The following PCDHGA8 variants were observed in gnomAD, a reference collection of about 807,000 sequenced individuals.
The protein encoded by PCDHGA8 is protocadherin gamma-A8.
A neutral mutation model predicts 59.2 loss-of-function variants in PCDHGA8; 45 were observed. The observed-to-expected ratio is 0.76, with a 90% CI of 0.60 to 0.98. The LOEUF is 0.98. Ranked by LOEUF, PCDHGA8 falls within the 50% of genes least tolerant of loss-of-function variation. PCDHGA8 has a pLI of 0.00. For synonymous variants in PCDHGA8, 531 were observed against 519.0 expected (o/e 1.02, Z -0.32); for missense variants, 1,257 against 1,196.2 (o/e 1.05, Z -0.75).
chr5:141,425,890 G>A (rs943076854), intron 1 of PCDHGA8, among the ~76,000 whole-genome samples: 1 of 152,118 alleles, frequency 6.6e-6, no homozygotes, highest in Non-Finnish European at 1.5e-5. Flanking sequence ...AATCTTCTTT[G>A]GTAGTAAACA....
intron 1 of PCDHGA8, among the ~76,000 whole-genome samples, chr5:141,458,380 G>T (rs1592559992): frequency 6.6e-6 from 1 of 152,136 alleles, no homozygotes; most frequent in African/African-American, 2.4e-5. Flanking sequence ...AAGAGAGAAG[G>T]AAGACGCTCC....
intron 1 of PCDHGA8, chr5:141,400,601 C>T (rs1401354209): frequency 1.3e-6 from 2 of 1,592,588 alleles, no homozygotes; most frequent in East Asian, 4.5e-5. Flanking sequence ...CGTACATTTT[C>T]AAGTCCAATG....
intron 1 of PCDHGA8, among the ~76,000 whole-genome samples, chr5:141,483,201 C>A (rs2099578254): frequency 6.6e-6 from 1 of 152,108 alleles, no homozygotes; most frequent in Non-Finnish European, 1.5e-5. Context: ...TTATTTTATT[C>A]CATATAGATG....
chr5:141,405,260 T>A, intron 1 of PCDHGA8: 1 of 1,614,140 alleles, frequency 6.2e-7, no homozygotes, highest in South Asian at 1.1e-5. Flanking sequence ...TCACCTGATC[T>A]TCCCCCAGCC....
At chr5:141,410,830 G>T in intron 1 of PCDHGA8, 11 of 332,874 alleles carry the variant, frequency 3.3e-5, no homozygotes, top group East Asian at 5.9e-5. Context: ...TCACCAGACT[G>T]AAGATATTTT....
intron 1 of PCDHGA8, chr5:141,422,014 C>A: frequency 6.2e-7 from 1 of 1,610,158 alleles, no homozygotes; most frequent in Non-Finnish European, 8.5e-7. Flanking sequence ...AACTCGGGTG[C>A]TGATGGTTAA....
rs779292483 is a variant in PCDHGA8 at position 141,491,102 on chromosome 5, T to C, written c.2425-3705T>C. The C allele has an allele frequency of 6.2e-7, 1 of 1,614,152 alleles. No individual in the cohort carries two copies. Among genetic ancestry groups the C allele is most frequent in the Non-Finnish European group, 8.5e-7 (1 of 1,180,006 alleles). ...TCCACAGCCCCAGGACTGTTCCTCG[T>C]GTCTACACACACTGGTGAGGTGCGC... On this transcript the variant is annotated intron_variant, in intron 1 of 3. Transcript: ENST00000398604. This position sits in a 1 kb window ranked among gnomAD's most constrained non-coding sequence, Gnocchi z 6.9.
intron 1 of PCDHGA8, chr5:141,423,553 T>G: frequency 2.5e-6 from 4 of 1,613,548 alleles, no homozygotes; most frequent in Non-Finnish European, 3.4e-6. Flanking sequence ...CCAGCCCAAC[T>G]ATGGGGACAC....
At position 141,485,122 on chromosome 5, in the gene PCDHGA8, G is replaced by A. The variant is rs1000179570; in HGVS notation, c.2425-9685G>A. The A allele has an allele frequency of 1.4e-6, 2 of 1,387,624 alleles. No individual in the cohort carries two copies. The highest frequency in any genetic ancestry group is 1.4e-5 in the African/African-American group (1 of 70,566). 86.0% of individuals were successfully genotyped at this position (1,387,624 alleles called of 1,614,324 possible). A position where few individuals can be genotyped will look rare whatever the true frequency, so the allele number is the denominator to read the frequency against. Reference sequence around the variant, plus strand: ...CAGCTGCTGTGGCTGTTTGGGGCGGGTCGGCTTCATCCGCGTCTCAGGAGC... The same window carrying A: ...CAGCTGCTGTGGCTGTTTGGGGCGGATCGGCTTCATCCGCGTCTCAGGAGC... On this transcript the variant is annotated intron_variant, in intron 1 of 3. Coordinates refer to ENST00000398604, the MANE Select transcript of PCDHGA8 (RefSeq NM_032088.2). The surrounding 1 kb of genome is among the most constrained non-coding windows in gnomAD (Gnocchi z 5.7).
At chr5:141,467,114 G>A (rs971182917) in intron 1 of PCDHGA8, among the ~76,000 whole-genome samples, 5 of 149,522 alleles carry the variant, frequency 3.3e-5, no homozygotes, top group South Asian at 2.1e-4. Context: ...GTACAATGGT[G>A]CAATCTCAGC....
At position 141,432,871 on chromosome 5, in the gene PCDHGA8, C is replaced by T. The variant is rs1190891661; in HGVS notation, c.2424+37634C>T. On this transcript the variant is annotated intron_variant, in intron 1 of 3. Transcript: ENST00000398604. This position sits in a 1 kb window ranked among gnomAD's most constrained non-coding sequence, Gnocchi z 6.0. ...CGGTGGCCGCGGTCTCCTGCGTCTT[C>T]CTGGCCTTCGTCATCTTGCTGCTGG... 1 of 1,614,216 alleles carries T rather than the reference C, an allele frequency of 6.2e-7. No homozygotes were observed. Among genetic ancestry groups the T allele is most frequent in the Non-Finnish European group, 8.5e-7 (1 of 1,180,018 alleles).
At chr5:141,450,551 G>T (rs2098684306) in intron 1 of PCDHGA8, among the ~76,000 whole-genome samples, 1 of 150,822 alleles carries the variant, frequency 6.6e-6, no homozygotes, top group Admixed American at 6.6e-5. Flanking sequence ...CAGTGGCGCA[G>T]TCTCGGCTCA....
chr5:141,393,972 C>G lies in PCDHGA8; in HGVS notation c.1159C>G (p.Arg387Gly). Residue 387 changes from arginine (R) to glycine (G), a missense_variant, in exon 1 of 4, where the codon CGT (arginine) becomes GGT (glycine). Arg to Gly is a moderately radical substitution (Grantham distance 125, BLOSUM62 -2). Coordinates refer to ENST00000398604, the MANE Select transcript of PCDHGA8 (RefSeq NM_032088.2). ...GKNGQVVCYT[R>G]DNLPFKLEKS... Reference sequence around the variant, plus strand: ...GAATGGTCAAGTTGTCTGTTACACACGTGATAATTTACCTTTTAAATTAGA... The same window carrying G: ...GAATGGTCAAGTTGTCTGTTACACAGGTGATAATTTACCTTTTAAATTAGA... 1 of 1,613,790 alleles carries G rather than the reference C, an allele frequency of 6.2e-7. No homozygotes were observed. The highest frequency in any genetic ancestry group is 1.1e-5 in the South Asian group (1 of 91,064).
intron 2 of PCDHGA8, among the ~76,000 whole-genome samples, chr5:141,497,501 C>T (rs1268186916): frequency 6.6e-6 from 1 of 151,182 alleles, no homozygotes; most frequent in Non-Finnish European, 1.5e-5. Flanking sequence ...TCTCTCCTCT[C>T]TCTGCTTCCT....
At chr5:141,403,050 A>G in intron 1 of PCDHGA8, 2 of 1,614,060 alleles carry the variant, frequency 1.2e-6, no homozygotes, top group Non-Finnish European at 1.7e-6. Flanking sequence ...CAGATTCGCT[A>G]CTCAGTGCCT....
Position 141,431,872 on chromosome 5 carries a change from A to G in PCDHGA8, c.2424+36635A>G, listed in dbSNP as rs2097425104. 5 of 1,614,222 alleles carry G rather than the reference A, an allele frequency of 3.1e-6. No individual in the cohort carries two copies. The highest frequency in any genetic ancestry group is 4.2e-6 in the Non-Finnish European group (5 of 1,180,002). ...GGACATTAATTGCCCTTTTAAATGT[A>G]AATGACCAAGATTCTGAGGAAAACG... On this transcript the variant is annotated intron_variant, in intron 1 of 3. Transcript: ENST00000398604. The surrounding 1 kb of genome is among the most constrained non-coding windows in gnomAD (Gnocchi z 4.8).
At chr5:141,438,765 G>A (rs1012158127) in intron 1 of PCDHGA8, among the ~76,000 whole-genome samples, 5 of 149,658 alleles carry the variant, frequency 3.3e-5, no homozygotes, top group Middle Eastern at 3.4e-3. Context: ...GGGTTCAAGC[G>A]ATTCTCCTGC....
intron 1 of PCDHGA8, chr5:141,409,044 T>G (rs2095215005): frequency 6.2e-7 from 1 of 1,613,762 alleles, no homozygotes; most frequent in African/African-American, 1.3e-5. Context: ...AACTACTACT[T>G]CCGAAGCACT....
chr5:141,466,746 T>C (rs1035272591), intron 1 of PCDHGA8, among the ~76,000 whole-genome samples: 1 of 152,224 alleles, frequency 6.6e-6, no homozygotes, highest in African/African-American at 2.4e-5. Context: ...GTTACTCTGA[T>C]AGGGGCTCTT....
Sources: allele counts gnomAD v4.1 joint callset (sites outside exome capture counted in the v4.1 genomes callset), GRCh38; gene constraint gnomAD v4.1.1; non-coding constraint Gnocchi (gnomAD v3.1); transcripts MANE v1.5; gene names NCBI Gene and HGNC (gene_info 2026-07-23, HGNC 2026-07-21).